PIGT: variants seen among roughly 807,000 people sequenced by gnomAD.
PIGT encodes the protein phosphatidylinositol glycan anchor biosynthesis class T.
A neutral mutation model predicts 66.7 loss-of-function variants in PIGT; 57 were observed. The ratio of observed to expected loss-of-function variants is 0.86; its 90% CI spans 0.69 to 1.07. The LOEUF is 1.07. Among genes scored for constraint, PIGT ranks in the 50% least tolerant of loss-of-function variants. The pLI, the probability that PIGT is intolerant of heterozygous loss-of-function variation, is 0.00. For missense variants in PIGT, 725 were observed against 740.4 expected, an observed-to-expected ratio of 0.98 and a Z score of 0.24; for synonymous variants, 362 against 320.5, an observed-to-expected ratio of 1.13 and a Z score of -1.38.
Position 45,421,547 on chromosome 20 carries a change from C to G in PIGT, c.1198C>G (p.Leu400Val). 2 of 1,614,138 alleles carry G rather than the reference C, an allele frequency of 1.2e-6. No homozygotes were observed. Among genetic ancestry groups the G allele is most frequent in the East Asian group, 4.5e-5 (2 of 44,880 alleles). Residue 400 changes from leucine (L) to valine (V), a missense_variant, in exon 9 of 12, where the codon CTC becomes GTC. Transcript: ENST00000279036. Reference sequence around the variant, plus strand: ...GTATCTGCGGCTGTATGTGCACACCCTCACCATCACCTCCAAGGGCAAGGA... The same window carrying G: ...GTATCTGCGGCTGTATGTGCACACCGTCACCATCACCTCCAAGGGCAAGGA... ...PWYLRLYVHT[L>V]TITSKGKENK...
At position 45,425,717 on chromosome 20, in the gene PIGT, T is replaced by A; in HGVS notation, c.1628T>A (p.Phe543Tyr). ...CTVVAVCYGS[F>Y]YNLLTRTFHI... Reference sequence around the variant, plus strand: ...GTGGTGGCCGTGTGCTATGGCTCCTTCTACAATCTCCTCACCCGAACCTTC... The same window carrying A: ...GTGGTGGCCGTGTGCTATGGCTCCTACTACAATCTCCTCACCCGAACCTTC... The change falls in exon 12 of 12, where the codon TTC becomes TAC. Residue 543 changes from phenylalanine to tyrosine, a missense_variant. By Grantham distance (22) the Phe-to-Tyr change is conservative. Coordinates refer to ENST00000279036, the MANE Select transcript of PIGT (RefSeq NM_015937.6). 1 of 1,614,130 alleles carries A rather than the reference T, an allele frequency of 6.2e-7. No individual in the cohort carries two copies. The highest frequency in any genetic ancestry group is 8.5e-7 in the Non-Finnish European group (1 of 1,179,984).
chr20:45,424,126 A>G, intron 9 of PIGT, 90 bp from the exon 10 acceptor site: 1 of 1,244,448 alleles, frequency 8.0e-7, no homozygotes, highest in Non-Finnish European at 1.2e-6. Context: ...CTAGGCACCC[A>G]GATTGAGGCT....
In PIGT at chr20:45,420,660, A is replaced by G. The variant is rs1428740874; in HGVS notation, c.1000A>G (p.Ile334Val). Residue 334 changes from isoleucine (I) to valine (V), a missense_variant, in exon 8 of 12, where the codon ATC becomes GTC. Physicochemically the swap from Ile to Val is conservative, Grantham distance 29. This residue lies in a region of PIGT where 559 missense variants were observed against 552.7 expected (regional missense o/e 1.01). Coordinates refer to ENST00000279036, the MANE Select transcript of PIGT (RefSeq NM_015937.6). ...GATCAACAACTCTCGAAACCTCAAC[A>G]TCCAGCTCAAGTGGAAGAGACCCCC... The part of the protein sequence containing the change: ...AMINNSRNLN[I>V]QLKWKRPPEN... 1.2e-6 allele frequency: 2 copies of G among 1,613,820 alleles called. No homozygotes were observed. The highest frequency in any genetic ancestry group is 4.5e-5 in the East Asian group (2 of 44,832).
At chr20:45,422,457 T>G (rs1990428037) in intron 9 of PIGT, 1 of 152,070 alleles carries the variant, frequency 6.6e-6, no homozygotes, top group Admixed American at 6.5e-5. Flanking sequence ...TTTTTTTTTT[T>G]TTTTTAAGAG....
At position 45,425,819 on chromosome 20, in the gene PIGT, C is replaced by A. The variant is rs111410446; in HGVS notation, c.1730C>A (p.Pro577Gln). The A allele has an allele frequency of 3.1e-5, 50 of 1,613,200 alleles. No homozygotes were observed. The African/African-American group carries it at 4.0e-4, about 13-fold the overall frequency. Residue 577 changes from proline (P) to glutamine (Q), a missense_variant, in exon 12 of 12, where the codon CCA becomes CAA. Coordinates refer to ENST00000279036, the MANE Select transcript of PIGT (RefSeq NM_015937.6). Reference sequence around the variant, plus strand: ...ATCCGGCGCGCCCGAGGTGTCCCCCCACTCTGATTCTTGCCCTTTCCAGCA... The same window carrying A: ...ATCCGGCGCGCCCGAGGTGTCCCCCAACTCTGATTCTTGCCCTTTCCAGCA... ...NLIRRARGVPPL is the reference protein window; with the variant it reads ...NLIRRARGVPQL
Position 45,425,721 on chromosome 20 carries a change from C to T in PIGT, c.1632C>T (p.Tyr544=), listed in dbSNP as rs538108288. Residue 544 remains tyrosine, a synonymous_variant, in exon 12 of 12, where the codon TAC becomes TAT. Coordinates refer to ENST00000279036, the MANE Select transcript of PIGT (RefSeq NM_015937.6). ...TGGCCGTGTGCTATGGCTCCTTCTA[C>T]AATCTCCTCACCCGAACCTTCCACA... ...TVVAVCYGSF[Y]NLLTRTFHIE... is the part of the protein sequence containing the mutation. 3 of 1,614,124 alleles carry T rather than the reference C, an allele frequency of 1.9e-6. No homozygotes were observed. The highest frequency in any genetic ancestry group is 2.7e-5 in the African/African-American group (2 of 75,060).
At chr20:45,419,654 G>A in intron 5 of PIGT, 64 bp downstream of exon 5, 2 of 1,167,302 alleles carry the variant, frequency 1.7e-6, no homozygotes, top group South Asian at 2.4e-5. Context: ...TGTAAAGCAT[G>A]TGGTCAGTGT....
chr20:45,418,207 G>T (rs115947143), intron 2 of PIGT: 1,580 of 156,062 alleles, frequency 0.01, 29 homozygotes, highest in African/African-American at 0.036. Flanking sequence ...GTAGAATCAG[G>T]ACTTACCTTT....
chr20:45,423,654 T>A (rs1990523836), intron 9 of PIGT: 1 of 152,154 alleles, frequency 6.6e-6, no homozygotes, highest in South Asian at 2.1e-4. Flanking sequence ...ATGTCTTGTC[T>A]TTGGTGTGGT....
In PIGT at chr20:45,425,697, G is replaced by A. The variant is rs1990703664; in HGVS notation, c.1608G>A (p.Val536=). ...TGATCTGCCTCACGTGCACTGTGGTGGCCGTGTGCTATGGCTCCTTCTACA... is the reference window on the plus strand; with the variant it reads ...TGATCTGCCTCACGTGCACTGTGGTAGCCGTGTGCTATGGCTCCTTCTACA... The part of the protein sequence containing the change: ...YNVICLTCTV[V]AVCYGSFYNL... Residue 536 remains valine, a synonymous_variant, in exon 12 of 12, where the codon GTG becomes GTA. Coordinates refer to ENST00000279036, the MANE Select transcript of PIGT (RefSeq NM_015937.6). The A allele has an allele frequency of 1.2e-6, 2 of 1,614,118 alleles. No homozygotes were observed. The highest frequency in any genetic ancestry group is 1.7e-6 in the Non-Finnish European group (2 of 1,180,012).
In PIGT at chr20:45,424,512, G is replaced by A. The variant is rs36056071; in HGVS notation, c.1417G>A (p.Ala473Thr). ...GFYVSPSVLS[A>T]LVPSMVAAKP... ...TCTCTGTAGCCCATCTGTCCTCAGC[G>A]CCCTTGTGCCCAGCATGGTAGCAGC... The change falls in exon 11 of 12, where the codon GCC (alanine) becomes ACC (threonine). Residue 473 changes from alanine (A) to threonine (T), a missense_variant. By Grantham distance (58) the Ala-to-Thr change is moderately conservative. Coordinates refer to ENST00000279036, the MANE Select transcript of PIGT (RefSeq NM_015937.6). The A allele has an allele frequency of 1.8e-3, 2,861 of 1,614,138 alleles. 43 individuals carry two copies. In the African/African-American group the frequency reaches 0.034, roughly 19 times the overall value.
chr20:45,423,703 CTT>C (rs3091447), intron 9 of PIGT: 2,692 of 130,228 alleles, frequency 0.021, 63 homozygotes, highest in East Asian at 0.064. Flanking sequence ...GTGCCCATGC[CTT>C]TTTTTTTTTT....
Position 45,416,363 on chromosome 20 carries a change from C to T in PIGT, c.187+20C>T, listed in dbSNP as rs1489940891. The T allele has an allele frequency of 8.9e-6, 14 of 1,566,204 alleles. No homozygotes were observed. The highest frequency in any genetic ancestry group is 1.7e-4 in the Middle Eastern group (1 of 5,880). ...AAGGAGGTGAGGGCGCGAGATCTGA[C>T]CAGGGAAAGATTTCCGTAGTGCCTG... On this transcript the variant is annotated intron_variant, in intron 1 of 11. Coordinates refer to ENST00000279036, the MANE Select transcript of PIGT (RefSeq NM_015937.6).
chr20:45,420,397 C>T lies in PIGT; in HGVS notation c.835C>T (p.Arg279Ter), dbSNP rs199968454. The change falls in exon 7 of 12, where the codon CGA (arginine) becomes TGA (stop). Residue 279 changes from arginine to a stop codon, truncating the protein, a stop_gained. Transcript: ENST00000279036. LOFTEE classifies it high-confidence loss of function. ...GCCCTGCCCCCTGGCTTCAGAGAGCCGAGTCTATGTGGACATCACCACCTA... is the reference window on the plus strand; with the variant it reads ...GCCCTGCCCCCTGGCTTCAGAGAGCTGAGTCTATGTGGACATCACCACCTA... ...TEPCPLASES[R>*]VYVDITTYNQ... 24 of 1,613,516 alleles carry T rather than the reference C, an allele frequency of 1.5e-5. No homozygotes were observed. The highest frequency in any genetic ancestry group is 2.7e-5 in the African/African-American group (2 of 74,914).
intron 9 of PIGT, chr20:45,423,441 G>A (rs2145464947): frequency 6.6e-6 from 1 of 151,666 alleles, no homozygotes; most frequent in East Asian, 2.0e-4. Flanking sequence ...GGAGGTCAAG[G>A]CTATAGTGAG....
intron 11 of PIGT, chr20:45,424,972 G>A (rs1990616104): frequency 1.5e-5 from 3 of 202,082 alleles, no homozygotes; most frequent in Admixed American, 5.1e-5. Context: ...GGGGTTAGAG[G>A]TTGGGTAGGA....
intron 9 of PIGT, chr20:45,423,200 G>A (rs1990489541): frequency 1.3e-5 from 2 of 151,400 alleles, no homozygotes; most frequent in Admixed American, 1.3e-4. Flanking sequence ...GAGTAGCTGG[G>A]ACTACAGGCG....
chr20:45,422,988 C>G (rs1210515106), intron 9 of PIGT: 4 of 150,864 alleles, frequency 2.7e-5, no homozygotes, highest in Non-Finnish European at 5.9e-5. Context: ...AGAAGGACCA[C>G]TTGAGTCCAG....
At chr20:45,419,178 C>T in intron 3 of PIGT, 117 bp from the exon 4 acceptor site, 2 of 1,080,948 alleles carry the variant, frequency 1.9e-6, no homozygotes, top group Non-Finnish European at 2.8e-6. Flanking sequence ...TGGGACTGTC[C>T]AGACTGTGGT....
Sources: allele counts gnomAD v4.1 joint callset, GRCh38; gene constraint gnomAD v4.1.1; regional missense constraint gnomAD v4.1.1; transcripts MANE v1.5; gene names NCBI Gene and HGNC (gene_info 2026-07-23, HGNC 2026-07-21).